The following FRYL variants were observed in gnomAD, a reference collection of about 807,000 sequenced individuals.
FRYL encodes FRY like transcription coactivator.
A neutral mutation model predicts 351.2 loss-of-function variants in FRYL; 150 were observed. That is an observed-to-expected ratio of 0.43 (90% CI 0.37 to 0.49). The LOEUF is 0.49. FRYL is among the 20% of genes least tolerant of loss of function. The pLI, the probability that FRYL is intolerant of heterozygous loss-of-function variation, is 0.00. For synonymous variants in FRYL, 1,153 were observed against 1,257.1 expected (o/e 0.92, Z 1.75); for missense variants, 3,036 against 3,619.3 (o/e 0.84, Z 4.13).
chr4:48,560,174 C>T (rs1735149445), intron 33 of FRYL, among the ~76,000 whole-genome samples: 1 of 152,126 alleles, frequency 6.6e-6, no homozygotes, highest in Non-Finnish European at 1.5e-5. Flanking sequence ...GAGACCATTG[C>T]ATTGAATCTG....
At chr4:48,579,279 A>C in intron 22 of FRYL, 38 bp from the exon 23 acceptor site, 2 of 1,510,168 alleles carry the variant, frequency 1.3e-6, no homozygotes, top group Non-Finnish European at 1.8e-6. Flanking sequence ...TACACATTTC[A>C]ATAACTTTGA....
At chr4:48,655,871 A>T (rs1758785636) in intron 3 of FRYL, among the ~76,000 whole-genome samples, 1 of 141,732 alleles carries the variant, frequency 7.1e-6, no homozygotes, top group Non-Finnish European at 1.5e-5. Flanking sequence ...ATACATATAT[A>T]CACATACATG....
Position 48,681,065 on chromosome 4 carries a change from T to C in FRYL, c.-81+3608A>G, listed in dbSNP as rs1452900251. ...AATCTTGGGGAACTTTCCTCAGTACTAGTATCCAAAACCACATCTCCCGAA... is the reference window on the plus strand; with the variant it reads ...AATCTTGGGGAACTTTCCTCAGTACCAGTATCCAAAACCACATCTCCCGAA... On this transcript the variant is annotated intron_variant, in intron 3 of 63. Transcript: ENST00000358350. The C allele has an allele frequency of 6.2e-6, 8 of 1,282,472 alleles. No individual in the cohort carries two copies. In the Admixed American group the frequency reaches 1.2e-4, roughly 19 times the overall value. The allele number at this position is 1,282,472 out of a possible 1,614,324, so 79.4% of individuals were successfully genotyped here. A position where few individuals can be genotyped will look rare whatever the true frequency, so the allele number is the denominator to read the frequency against.
intron 22 of FRYL, chr4:48,580,544 T>A (rs1740673201): frequency 3.5e-6 from 1 of 284,556 alleles, no homozygotes; most frequent in Non-Finnish European, 6.5e-6. Context: ...AGTATTTCTA[T>A]CTCACGAATA....
chr4:48,520,572 C>A (rs554014313), intron 55 of FRYL: 1 of 152,164 alleles, frequency 6.6e-6, no homozygotes, highest in Non-Finnish European at 1.5e-5. Flanking sequence ...TTCTCACAGG[C>A]CTTTCCAAAA....
At chr4:48,569,204 G>A (rs1737663558) in intron 27 of FRYL, among the ~76,000 whole-genome samples, 1 of 152,106 alleles carries the variant, frequency 6.6e-6, no homozygotes, top group South Asian at 2.1e-4. Flanking sequence ...TGTGTATCAG[G>A]TTGTTAATTT....
chr4:48,726,339 A>G (rs953989092), intron 1 of FRYL, among the ~76,000 whole-genome samples: 2 of 152,254 alleles, frequency 1.3e-5, no homozygotes, highest in African/African-American at 2.4e-5. Context: ...AGACACAGTC[A>G]TGTGACTTCT....
At chr4:48,564,908 C>T (rs868565674) in intron 30 of FRYL, 25 bp downstream of exon 30, 4 of 1,248,146 alleles carry the variant, frequency 3.2e-6, no homozygotes, top group African/African-American at 3.0e-5. Flanking sequence ...TTATTATGAA[C>T]CTTTAAGGAA....
At chr4:48,652,290 T>A (rs11737677) in intron 3 of FRYL, among the ~76,000 whole-genome samples, 3 of 151,966 alleles carry the variant, frequency 2.0e-5, no homozygotes, top group African/African-American at 4.8e-5. Flanking sequence ...AGCTTTATTC[T>A]CACTATAAAA....
chr4:48,533,946 G>A (rs1314455759), intron 49 of FRYL, among the ~76,000 whole-genome samples: 1 of 152,194 alleles, frequency 6.6e-6, no homozygotes, highest in Non-Finnish European at 1.5e-5. Flanking sequence ...GAACAATGAG[G>A]CCAGGCACGG....
chr4:48,622,814 G>A (rs1428644823), intron 5 of FRYL, among the ~76,000 whole-genome samples: 1 of 151,958 alleles, frequency 6.6e-6, no homozygotes, highest in Non-Finnish European at 1.5e-5. Context: ...ATGTTAAAAG[G>A]TAAAATATTA....
At position 48,507,708 on chromosome 4, in the gene FRYL, AGATAGAT is replaced by A. The variant is rs1312034567; in HGVS notation, c.8395-2100_8395-2094del. Reference sequence around the variant, plus strand: ...GGCTGGGAAAACAGTTTTCAAAGATAGATAGATGATAGATAGATAGATAGATAGATCG... The same window carrying A: ...GGCTGGGAAAACAGTTTTCAAAGATAGATAGATAGATAGATAGATAGATCG... On this transcript the variant is annotated intron_variant, in intron 59 of 63. Coordinates refer to ENST00000358350, the MANE Select transcript of FRYL (RefSeq NM_015030.2). 2.0e-5 allele frequency among the ~76,000 whole-genome samples: 3 copies of A among 151,268 alleles called. No homozygotes were observed. The South Asian group carries it at 6.3e-4, about 32-fold the overall frequency.
At chr4:48,637,083 A>T (rs1446471103) in intron 3 of FRYL, 1 of 152,136 alleles carries the variant, frequency 6.6e-6, no homozygotes, top group Admixed American at 6.6e-5. Context: ...CACACAGTTA[A>T]TCACTTTTGT....
chr4:48,737,862 A>G (rs1273491644), intron 1 of FRYL, among the ~76,000 whole-genome samples: 1 of 152,256 alleles, frequency 6.6e-6, no homozygotes, highest in African/African-American at 2.4e-5. Flanking sequence ...CTAATAAGTC[A>G]TGTGATCATA....
At chr4:48,605,159 CTTTAA>C (rs1484892661) in intron 11 of FRYL, among the ~76,000 whole-genome samples, 1 of 152,152 alleles carries the variant, frequency 6.6e-6, no homozygotes, top group Non-Finnish European at 1.5e-5. Flanking sequence ...ACTTGCAAAC[CTTTAA>C]TTTATGAGTT....
At position 48,561,643 on chromosome 4, in the gene FRYL, G is replaced by C. The variant is rs1735518790; in HGVS notation, c.3697-7C>G. The C allele has an allele frequency of 2.5e-6, 4 of 1,595,606 alleles. No individual in the cohort carries two copies. In the African/African-American group the frequency reaches 4.0e-5, roughly 16 times the overall value. On this transcript the variant is annotated splice_region_variant and splice_polypyrimidine_tract_variant and intron_variant, in intron 32 of 63. Coordinates refer to ENST00000358350, the MANE Select transcript of FRYL (RefSeq NM_015030.2). Reference sequence around the variant, plus strand: ...ACATCTTCGGTTCCAGAATCTATAGGAATGTGATTCCATCAACTTAGGTTA... The same window carrying C: ...ACATCTTCGGTTCCAGAATCTATAGCAATGTGATTCCATCAACTTAGGTTA...
intron 47 of FRYL, among the ~76,000 whole-genome samples, chr4:48,536,676 A>G (rs1417569349): frequency 6.6e-6 from 1 of 152,144 alleles, no homozygotes; most frequent in Non-Finnish European, 1.5e-5. Context: ...TCTGTCATAA[A>G]AGGCTAACCT....
At chr4:48,526,689 T>C (rs550950585) in intron 53 of FRYL, among the ~76,000 whole-genome samples, 7 of 152,296 alleles carry the variant, frequency 4.6e-5, no homozygotes, top group South Asian at 2.1e-4. Flanking sequence ...AGAAACTTCA[T>C]TGAGCCATAT....
rs146398299 is a variant in FRYL at position 48,742,597 on chromosome 4, C to G, written c.-383-31899G>C. ...CCTACTGTAACAGACCAACTCAGGA[C>G]TGCTATTCATTCTTAGTATTAGTCA... On this transcript the variant is annotated intron_variant, in intron 1 of 63. Transcript: ENST00000358350. Among the ~76,000 whole-genome samples the G allele has an allele frequency of 1.0e-3, 157 of 152,282 alleles. 1 individual carries two copies. Among genetic ancestry groups the G allele is most frequent in the African/African-American group, 3.7e-3 (152 of 41,554 alleles).
Sources: allele counts gnomAD v4.1 joint callset (sites outside exome capture counted in the v4.1 genomes callset), GRCh38; gene constraint gnomAD v4.1.1; transcripts MANE v1.5; gene names NCBI Gene and HGNC (gene_info 2026-07-23, HGNC 2026-07-21).